PALLD: variants seen among roughly 807,000 people sequenced by gnomAD.
The protein encoded by PALLD is palladin, cytoskeletal associated protein.
Under a neutral mutation model 123.5 loss-of-function variants are expected in PALLD, and 61 were observed. The ratio of observed to expected loss-of-function variants is 0.49; its 90% CI spans 0.40 to 0.61. The LOEUF (loss-of-function observed/expected upper bound fraction) is 0.61. PALLD is among the 20% of genes least tolerant of loss of function. PALLD has a pLI of 0.00. For synonymous variants in PALLD, 465 were observed against 496.4 expected (o/e 0.94, Z 0.84); for missense variants, 1,273 against 1,377.0 (o/e 0.92, Z 1.20).
chr4:168,502,466 A>G (rs903318619), intron 1 of PALLD, among the ~76,000 whole-genome samples: 7 of 152,222 alleles, frequency 4.6e-5, no homozygotes, highest in Admixed American at 6.5e-5. Flanking sequence ...AGTGTATTTT[A>G]TATGTAGACA....
chr4:168,906,761 A>G (rs1296750336), intron 15 of PALLD, among the ~76,000 whole-genome samples: 1 of 152,196 alleles, frequency 6.6e-6, no homozygotes, highest in East Asian at 1.9e-4. Context: ...AAGCACTGGA[A>G]TTACAAGCGT....
chr4:168,706,020 T>C (rs144090381), intron 8 of PALLD, among the ~76,000 whole-genome samples: 62 of 152,332 alleles, frequency 4.1e-4, no homozygotes, highest in African/African-American at 1.4e-3. Context: ...TAAAGAAACA[T>C]ATAACATGAA....
intron 9 of PALLD, among the ~76,000 whole-genome samples, chr4:168,709,880 C>G (rs1784670515): frequency 6.6e-6 from 1 of 152,016 alleles, no homozygotes; most frequent in Non-Finnish European, 1.5e-5. Context: ...AACGATGGAG[C>G]TGGTTTCCTA....
intron 8 of PALLD, among the ~76,000 whole-genome samples, chr4:168,707,658 A>G (rs1170346901): frequency 6.6e-6 from 1 of 152,216 alleles, no homozygotes; most frequent in East Asian, 1.9e-4. Flanking sequence ...GGATGGGGAA[A>G]TAGACTCTGC....
chr4:168,668,730 A>G (rs1779893856), intron 3 of PALLD, among the ~76,000 whole-genome samples: 2 of 152,230 alleles, frequency 1.3e-5, no homozygotes, highest in Admixed American at 6.5e-5. Context: ...GAAATCATTC[A>G]TGAGAATTTT....
At chr4:168,685,741 A>T (rs911414340) in intron 6 of PALLD, among the ~76,000 whole-genome samples, 182 bp downstream of exon 6, 7 of 138,898 alleles carry the variant, frequency 5.0e-5, no homozygotes, top group African/African-American at 1.6e-4. Flanking sequence ...TAATCTTGTG[A>T]TGGGTTCTGA....
At chr4:168,773,772 C>T (rs374384452) in intron 10 of PALLD, among the ~76,000 whole-genome samples, 43 of 152,248 alleles carry the variant, frequency 2.8e-4, no homozygotes, top group African/African-American at 8.7e-4. Flanking sequence ...GAGCCCCACC[C>T]GGCCTCCCCA....
intron 7 of PALLD, 44 bp downstream of exon 7, chr4:168,690,788 T>C: frequency 6.2e-7 from 1 of 1,602,214 alleles, no homozygotes; most frequent in South Asian, 1.1e-5. Context: ...CATTTTATTC[T>C]CTCCAGCTTC....
At chr4:168,581,810 T>C (rs2149654835) in intron 2 of PALLD, among the ~76,000 whole-genome samples, 1 of 151,924 alleles carries the variant, frequency 6.6e-6, no homozygotes, top group South Asian at 2.1e-4. Context: ...CTATGTTTTT[T>C]AGGTCATATC....
chr4:168,761,279 T>C (rs1209254998), intron 10 of PALLD, among the ~76,000 whole-genome samples: 1 of 152,222 alleles, frequency 6.6e-6, no homozygotes, highest in Non-Finnish European at 1.5e-5. Context: ...TTTCTCCAAC[T>C]GGAAGTTTCA....
At chr4:168,711,434 C>A (rs947356424) in intron 9 of PALLD, 147 bp from the exon 10 acceptor site, 10 of 676,616 alleles carry the variant, frequency 1.5e-5, no homozygotes, top group African/African-American at 8.9e-5. Flanking sequence ...GCTGGCAGTG[C>A]TTCTGCGTCA....
At chr4:168,906,396 C>CA (rs1407869444) in intron 15 of PALLD, among the ~76,000 whole-genome samples, 1 of 152,144 alleles carries the variant, frequency 6.6e-6, no homozygotes, top group Non-Finnish European at 1.5e-5. Context: ...AGGACTGACT[C>CA]AGTGCTCATG....
intron 2 of PALLD, among the ~76,000 whole-genome samples, chr4:168,563,976 G>A (rs1210607471): frequency 2.0e-5 from 3 of 152,118 alleles, no homozygotes; most frequent in African/African-American, 7.2e-5. Context: ...AATACACCTC[G>A]TACCCATTAA....
At chr4:168,515,261 T>C (rs565073766) in intron 2 of PALLD, among the ~76,000 whole-genome samples, 6 of 152,310 alleles carry the variant, frequency 3.9e-5, no homozygotes, top group Middle Eastern at 3.4e-3. Flanking sequence ...CATATGACAG[T>C]CATAAGAGAA....
intron 10 of PALLD, among the ~76,000 whole-genome samples, chr4:168,842,731 TC>T (rs1746222946): frequency 6.6e-6 from 1 of 152,210 alleles, no homozygotes; most frequent in Non-Finnish European, 1.5e-5. Context: ...TAAAAAGCAT[TC>T]CTATCCAGTT....
At position 168,683,062 on chromosome 4, in the gene PALLD, A is replaced by T. The variant is rs775730191; in HGVS notation, c.1219A>T (p.Thr407Ser). ...IGSSSPKTGVTTAVIQPLSVP... is the reference protein window; with the variant it reads ...IGSSSPKTGVSTAVIQPLSVP... ...ATCATCATCTCCAAAGACAGGGGTG[A>T]CCACAGCTGTGATTCAACCACTGTC... is the stretch of plus-strand genomic sequence containing the variant. Residue 407 changes from threonine (T) to serine (S), a missense_variant, in exon 5 of 22, where the codon ACC becomes TCC. Thr to Ser is a moderately conservative substitution (Grantham distance 58, BLOSUM62 1). Transcript: ENST00000505667. 14 of 1,612,638 alleles carry T rather than the reference A, an allele frequency of 8.7e-6. No homozygotes were observed. Among genetic ancestry groups the T allele is most frequent in the Admixed American group, 1.7e-5 (1 of 59,988 alleles).
chr4:168,666,277 G>A (rs1044896669), intron 2 of PALLD, among the ~76,000 whole-genome samples: 2 of 152,208 alleles, frequency 1.3e-5, no homozygotes, highest in South Asian at 4.1e-4. Flanking sequence ...CCCCCAGTAG[G>A]TGGTTTATAT....
chr4:168,782,146 A>T (rs961164727), intron 10 of PALLD, among the ~76,000 whole-genome samples: 1 of 152,232 alleles, frequency 6.6e-6, no homozygotes. Flanking sequence ...TGAATATTAT[A>T]GTACAACCGT....
At chr4:168,733,954 C>T (rs1003570205) in intron 10 of PALLD, among the ~76,000 whole-genome samples, 4 of 152,208 alleles carry the variant, frequency 2.6e-5, no homozygotes, top group Non-Finnish European at 5.9e-5. Flanking sequence ...CCAGGATGGT[C>T]TCGATCTCCT....
Sources: gnomAD v4.1 joint callset for allele counts (sites outside exome capture counted in the v4.1 genomes callset) on GRCh38, gnomAD v4.1.1 for gene constraint, MANE v1.5 for transcripts, NCBI Gene and HGNC (gene_info 2026-07-23, HGNC 2026-07-21) for gene names.